SEC23B: variants seen among roughly 807,000 people sequenced by gnomAD.
SEC23B encodes protein transport protein Sec23B.
In SEC23B, 77 loss-of-function variants were observed where a neutral mutation model predicts 104.3. The ratio of observed to expected loss-of-function variants is 0.74; its 90% CI spans 0.61 to 0.89. SEC23B has a LOEUF of 0.89. Among genes scored for constraint, SEC23B ranks in the 40% least tolerant of loss-of-function variants. The pLI, the probability that SEC23B is intolerant of heterozygous loss-of-function variation, is 0.00. For missense variants in SEC23B, 885 were observed against 949.4 expected (o/e 0.93, Z 0.89); for synonymous variants, 338 against 332.5 (o/e 1.02, Z -0.18).
At chr20:18,553,302 G>A (rs2060405997) in intron 17 of SEC23B, among the ~76,000 whole-genome samples, 2 of 152,200 alleles carry the variant, frequency 1.3e-5, no homozygotes, top group South Asian at 2.1e-4. Context: ...CCTGGAAAAC[G>A]GTAACTGCTA....
chr20:18,556,885 A>G (rs1395905572), intron 19 of SEC23B, among the ~76,000 whole-genome samples: 1 of 152,220 alleles, frequency 6.6e-6, no homozygotes, highest in East Asian at 1.9e-4. Context: ...AGTCCCAGCT[A>G]CTTGGGTGGC....
intron 16 of SEC23B, among the ~76,000 whole-genome samples, chr20:18,549,030 T>G (rs900680233): frequency 6.6e-6 from 1 of 152,128 alleles, no homozygotes; most frequent in Non-Finnish European, 1.5e-5. Context: ...GCTTGTATAC[T>G]TACATCCAAC....
intron 4 of SEC23B, among the ~76,000 whole-genome samples, chr20:18,523,228 C>G (rs1200126649): frequency 6.6e-6 from 1 of 151,982 alleles, no homozygotes; most frequent in African/African-American, 2.4e-5. Context: ...CAGTGGGCCT[C>G]TTTGACTCTC....
rs1358312269 is a variant in SEC23B, at chr20:18,554,159, A to G, written c.1993-76A>G. Reference sequence around the variant, plus strand: ...CACTAGAAACAAGCTCTGGGTGGCGATGGTAGAATGTCAGTGTCAGTGAAG... The same window carrying G: ...CACTAGAAACAAGCTCTGGGTGGCGGTGGTAGAATGTCAGTGTCAGTGAAG... On this transcript the variant is annotated intron_variant, in intron 17 of 19. Coordinates refer to ENST00000650089, the MANE Select transcript of SEC23B (RefSeq NM_006363.6). 5 of 1,533,374 alleles carry G rather than the reference A, an allele frequency of 3.3e-6. No homozygotes were observed. The African/African-American group carries it at 6.8e-5, about 21-fold the overall frequency. 95.0% of individuals were successfully genotyped at this position (1,533,374 alleles called of 1,614,324 possible).
chr20:18,535,806 C>T (rs2060225389), intron 12 of SEC23B, 64 bp downstream of exon 12: 2 of 1,268,920 alleles, frequency 1.6e-6, no homozygotes, highest in Non-Finnish European at 1.2e-6. Context: ...TATCTCAAAC[C>T]AGTGGTCTCT....
chr20:18,518,588 T>TG (rs1311609787), intron 4 of SEC23B, among the ~76,000 whole-genome samples: 2 of 134,350 alleles, frequency 1.5e-5, no homozygotes, highest in Non-Finnish European at 3.3e-5. Flanking sequence ...GGAGGTTTTT[T>TG]TTTTTTTTTT....
Position 18,543,701 on chromosome 20 carries a change from G to T in SEC23B, c.1665+529G>T, listed in dbSNP as rs149269732. On this transcript the variant is annotated intron_variant, in intron 14 of 19. Coordinates refer to ENST00000650089, the MANE Select transcript of SEC23B (RefSeq NM_006363.6). Reference sequence around the variant, plus strand: ...GTGGGGCTGAGATAGAGCACCAAAGGAAGTGCCCTTCTCCCCAGGGCTGAT... The same window carrying T: ...GTGGGGCTGAGATAGAGCACCAAAGTAAGTGCCCTTCTCCCCAGGGCTGAT... 1.3e-3 allele frequency among the ~76,000 whole-genome samples: 204 copies of T among 152,300 alleles called. 2 individuals carry two copies. The highest frequency in any genetic ancestry group is 4.8e-3 in the African/African-American group (199 of 41,570).
chr20:18,535,803 A>C (rs1174344951), intron 12 of SEC23B, 61 bp downstream of exon 12: 1 of 1,296,488 alleles, frequency 7.7e-7, no homozygotes, highest in Non-Finnish European at 1.1e-6. Flanking sequence ...ATTTATCTCA[A>C]ACCAGTGGTC....
intron 2 of SEC23B, among the ~76,000 whole-genome samples, chr20:18,511,784 G>C (rs1262279870): frequency 6.6e-6 from 1 of 152,104 alleles, no homozygotes; most frequent in South Asian, 2.1e-4. Flanking sequence ...TCTTAAAATG[G>C]GCTAAGTCAG....
chr20:18,529,012 A>C (rs2060158400), intron 9 of SEC23B, among the ~76,000 whole-genome samples: 1 of 152,390 alleles, frequency 6.6e-6, no homozygotes. Context: ...CACCTTATCC[A>C]AATACATTGT....
rs1371231549 is a variant in SEC23B at position 18,541,491 on chromosome 20, G to GACT, written c.1405-804_1405-802dup. Among the ~76,000 whole-genome samples the GACT allele has an allele frequency of 2.0e-5, 3 of 152,212 alleles. No individual in the cohort carries two copies. The East Asian group carries it at 5.8e-4, about 29-fold the overall frequency. On this transcript the variant is annotated intron_variant, in intron 12 of 19. Coordinates refer to ENST00000650089, the MANE Select transcript of SEC23B (RefSeq NM_006363.6). ...TTTTGATTTAAAATGAGAGATGTGT[G>GACT]ACTCTTCCTTTCACTTGAACACTTA...
At chr20:18,548,193 C>T (rs6136404) in intron 15 of SEC23B, among the ~76,000 whole-genome samples, 45,670 of 151,878 alleles carry the variant, frequency 0.3, 7,336 homozygotes, top group Non-Finnish European at 0.36. Flanking sequence ...TCAGGTGATC[C>T]GCCCGCCTCG....
chr20:18,546,046 T>A lies in SEC23B; in HGVS notation c.1743+13T>A, dbSNP rs1266481387. 1 of 1,353,246 alleles carries A rather than the reference T, an allele frequency of 7.4e-7. No individual in the cohort carries two copies. Among genetic ancestry groups the A allele is most frequent in the East Asian group, 2.3e-5 (1 of 43,634 alleles). The allele number at this position is 1,353,246 out of a possible 1,614,324, so 83.8% of individuals were successfully genotyped here. On this transcript the variant is annotated intron_variant, in intron 15 of 19. Coordinates refer to ENST00000650089, the MANE Select transcript of SEC23B (RefSeq NM_006363.6). ...TCTATATCCTCAGGTAAGTAATGTA[T>A]GTTTCTAAAATAACTACAGAGCAAT...
chr20:18,542,953 T>C (rs1478955796), intron 13 of SEC23B, 66 bp from the exon 14 acceptor site: 2 of 1,602,472 alleles, frequency 1.2e-6, no homozygotes, highest in Non-Finnish European at 8.6e-7. Flanking sequence ...TTTCTTTTTC[T>C]GAATGGATGT....
intron 12 of SEC23B, among the ~76,000 whole-genome samples, chr20:18,542,038 G>T (rs900638059): frequency 4.6e-5 from 7 of 152,318 alleles, no homozygotes; most frequent in Middle Eastern, 6.8e-3. Flanking sequence ...ACAAGCCTCA[G>T]TCATCCATGT....
rs2059977995 is a variant in SEC23B at position 18,511,051 on chromosome 20, A to G, written c.216A>G (p.Pro72=). 6.2e-7 allele frequency: 1 copy of G among 1,606,684 alleles called. No individual in the cohort carries two copies. The highest frequency in any genetic ancestry group is 2.2e-5 in the East Asian group (1 of 44,852). The stretch of plus-strand genomic sequence containing the variant: ...CAACTTGTAAAGCTGTTCTCAACCC[A>G]CTTTGGTATGGATTCTTTTGAAACT... ...SRPTCKAVLN[P]LCQVDYRAKL... The change falls in exon 2 of 20, where the codon CCA becomes CCG. Residue 72 remains proline, a synonymous_variant. Coordinates refer to ENST00000650089, the MANE Select transcript of SEC23B (RefSeq NM_006363.6).
chr20:18,531,262 A>G (rs1231879511), intron 10 of SEC23B, among the ~76,000 whole-genome samples: 2 of 152,226 alleles, frequency 1.3e-5, no homozygotes, highest in Admixed American at 1.3e-4. Context: ...AGGGGCAGCC[A>G]CACGGTGGTC....
Position 18,542,414 on chromosome 20 carries a change from C to CA in SEC23B, c.1511+13dup. Reference sequence around the variant, plus strand: ...ACCATCGCCCGAAAGTAAGCAGCCCCAGTTTCCTTTCTGTTGAGGAACTGA... The same window carrying CA: ...ACCATCGCCCGAAAGTAAGCAGCCCCAAGTTTCCTTTCTGTTGAGGAACTGA... On this transcript the variant is annotated intron_variant, in intron 13 of 19. Transcript: ENST00000650089. 1 of 1,608,710 alleles carries CA rather than the reference C, an allele frequency of 6.2e-7. No individual in the cohort carries two copies. The highest frequency in any genetic ancestry group is 8.5e-7 in the Non-Finnish European group (1 of 1,175,052).
intron 3 of SEC23B, among the ~76,000 whole-genome samples, chr20:18,512,974 A>G (rs973395245): frequency 1.3e-5 from 2 of 152,292 alleles, no homozygotes; most frequent in East Asian, 1.9e-4. Context: ...TCATGAGGTC[A>G]AGAGATCAAG....
Sources: allele counts gnomAD v4.1 joint callset (sites outside exome capture counted in the v4.1 genomes callset), GRCh38; gene constraint gnomAD v4.1.1; transcripts MANE v1.5; gene names NCBI Gene and HGNC (gene_info 2026-07-23, HGNC 2026-07-21).